ANO10: variants seen among roughly 807,000 people sequenced by gnomAD.
ANO10 encodes the protein anoctamin 10.
A neutral mutation model predicts 74.7 loss-of-function variants in ANO10; 77 were observed. The observed-to-expected ratio is 1.03, with a 90% CI of 0.86 to 1.25. The LOEUF (loss-of-function observed/expected upper bound fraction) is 1.25. ANO10 is among the 50% of genes most tolerant of loss of function. ANO10 has a pLI of 0.00. For synonymous variants in ANO10, 279 were observed against 284.9 expected, an observed-to-expected ratio of 0.98 and a Z score of 0.21; for missense variants, 721 against 778.1, an observed-to-expected ratio of 0.93 and a Z score of 0.87.
chr3:43,472,290 T>G (rs2075887607), intron 11 of ANO10, among the ~76,000 whole-genome samples: 1 of 152,248 alleles, frequency 6.6e-6, no homozygotes, highest in East Asian at 1.9e-4. Context: ...GTTCTATTTC[T>G]TAATTTTGAT....
intron 11 of ANO10, among the ~76,000 whole-genome samples, chr3:43,449,854 CA>C (rs2074776306): frequency 6.6e-6 from 1 of 152,110 alleles, no homozygotes; most frequent in Non-Finnish European, 1.5e-5. Context: ...AGATTGTGTT[CA>C]ATGTACACAT....
At chr3:43,655,853 C>T (rs1434323270) in intron 1 of ANO10, among the ~76,000 whole-genome samples, 11 of 74,658 alleles carry the variant, frequency 1.5e-4, no homozygotes, top group African/African-American at 1.1e-4. Context: ...AGGTTCTCCA[C>T]GTCCCCACCA....
chr3:43,541,374 A>G (rs1477784553), intron 11 of ANO10, among the ~76,000 whole-genome samples: 1 of 152,212 alleles, frequency 6.6e-6, no homozygotes, highest in Non-Finnish European at 1.5e-5. Flanking sequence ...CTAAGTTTGT[A>G]GAAGTAGGTA....
intron 11 of ANO10, among the ~76,000 whole-genome samples, chr3:43,458,773 A>G (rs11715871): frequency 0.071 from 10,736 of 152,176 alleles, 535 homozygotes; most frequent in Middle Eastern, 0.16. Context: ...AGCTCTGCAT[A>G]CATTAGGGAT....
At chr3:43,481,463 C>A (rs1309860936) in intron 11 of ANO10, among the ~76,000 whole-genome samples, 1 of 152,154 alleles carries the variant, frequency 6.6e-6, no homozygotes, top group East Asian at 1.9e-4. Context: ...CAGCCAAGGG[C>A]ATTCCAAAGC....
At chr3:43,467,455 CA>C (rs1478912034) in intron 11 of ANO10, among the ~76,000 whole-genome samples, 1 of 152,184 alleles carries the variant, frequency 6.6e-6, no homozygotes, top group Non-Finnish European at 1.5e-5. Flanking sequence ...GGATGAATCT[CA>C]AAAGCATTAT....
At chr3:43,383,336 C>T (rs1389516058) in intron 12 of ANO10, among the ~76,000 whole-genome samples, 2 of 151,848 alleles carry the variant, frequency 1.3e-5, no homozygotes, top group Non-Finnish European at 2.9e-5. Context: ...TGCCTGTAGT[C>T]CCAGCTACTT....
chr3:43,422,897 G>T (rs1477270646), intron 12 of ANO10, among the ~76,000 whole-genome samples: 2 of 152,150 alleles, frequency 1.3e-5, no homozygotes, highest in Non-Finnish European at 2.9e-5. Context: ...GCACTTTAAA[G>T]AAATTTTTCT....
chr3:43,536,952 T>C (rs1462399992), intron 11 of ANO10, among the ~76,000 whole-genome samples: 2 of 129,180 alleles, frequency 1.5e-5, no homozygotes, highest in Non-Finnish European at 3.1e-5. Flanking sequence ...CACCCAGCTG[T>C]GAAACCATCA....
chr3:43,565,735 A>G lies in ANO10; in HGVS notation c.1219-8T>C. On this transcript the variant is annotated splice_polypyrimidine_tract_variant and splice_region_variant and intron_variant, in intron 7 of 12. Transcript: ENST00000292246. ...GCAATTGAGGAAGTTGAACTGCCAAAAAAAAAAAAAAAAAAGATAAGTGTT... is the reference window on the plus strand; with the variant it reads ...GCAATTGAGGAAGTTGAACTGCCAAGAAAAAAAAAAAAAAAGATAAGTGTT... The G allele has an allele frequency of 2.3e-6, 3 of 1,323,318 alleles. No homozygotes were observed. The highest frequency in any genetic ancestry group is 2.0e-6 in the Non-Finnish European group (2 of 975,868). The allele number at this position is 1,323,318 out of a possible 1,614,324, so 82.0% of individuals were successfully genotyped here.
intron 1 of ANO10, among the ~76,000 whole-genome samples, chr3:43,655,608 C>T (rs1045884422): frequency 1.8e-4 from 28 of 151,890 alleles, no homozygotes; most frequent in Non-Finnish European, 1.2e-4. Flanking sequence ...CTGATTGGTG[C>T]GTTTACAATC....
chr3:43,464,304 A>G (rs1559572607), intron 11 of ANO10, among the ~76,000 whole-genome samples: 1 of 152,244 alleles, frequency 6.6e-6, no homozygotes, highest in Non-Finnish European at 1.5e-5. Flanking sequence ...ATTGGTATAG[A>G]CGTAAAATTC....
intron 9 of ANO10, among the ~76,000 whole-genome samples, chr3:43,557,722 G>A (rs571684015): frequency 1.9e-4 from 25 of 134,958 alleles, no homozygotes; most frequent in Non-Finnish European, 2.8e-4. Context: ...GCAACAGAGC[G>A]AGACTCTGTC....
chr3:43,654,280 CTTTAA>C (rs1050077763), intron 1 of ANO10, among the ~76,000 whole-genome samples: 1 of 152,120 alleles, frequency 6.6e-6, no homozygotes, highest in East Asian at 1.9e-4. Context: ...TAGGAAATGG[CTTTAA>C]TTTTTCTTCC....
intron 11 of ANO10, among the ~76,000 whole-genome samples, chr3:43,443,419 A>G (rs185939881): frequency 6.6e-6 from 1 of 152,340 alleles, no homozygotes; most frequent in East Asian, 1.9e-4. Flanking sequence ...CTTTAGGCAG[A>G]CAAGGGAACT....
At chr3:43,602,226 C>T (rs2082365241) in intron 2 of ANO10, among the ~76,000 whole-genome samples, 1 of 152,166 alleles carries the variant, frequency 6.6e-6, no homozygotes. Context: ...TCTTGTTCAT[C>T]AAATCCCATC....
intron 12 of ANO10, among the ~76,000 whole-genome samples, chr3:43,420,632 C>T (rs939486885): frequency 9.2e-5 from 14 of 151,896 alleles, no homozygotes; most frequent in African/African-American, 3.4e-4. Flanking sequence ...TGGTTTCCTA[C>T]ACTTTTGGTG....
At chr3:43,518,457 T>C (rs931966289) in intron 11 of ANO10, among the ~76,000 whole-genome samples, 1 of 152,204 alleles carries the variant, frequency 6.6e-6, no homozygotes, top group Non-Finnish European at 1.5e-5. Context: ...TTGAACAATA[T>C]GAAATCTGGG....
intron 11 of ANO10, among the ~76,000 whole-genome samples, chr3:43,466,280 G>C (rs1559575070): frequency 6.7e-6 from 1 of 149,892 alleles, no homozygotes; most frequent in South Asian, 2.1e-4. Flanking sequence ...CTGAGGCAGG[G>C]GAATCGCTTG....
Sources: allele counts gnomAD v4.1 joint callset (sites outside exome capture counted in the v4.1 genomes callset), GRCh38; gene constraint gnomAD v4.1.1; transcripts MANE v1.5; gene names NCBI Gene and HGNC (gene_info 2026-07-23, HGNC 2026-07-21).